PKHD1: variants seen among roughly 807,000 people sequenced by gnomAD.
PKHD1 encodes fibrocystin.
In PKHD1, 291 loss-of-function variants were observed where a neutral mutation model predicts 412.0. The ratio of observed to expected loss-of-function variants is 0.71; its 90% CI spans 0.64 to 0.78. The LOEUF is 0.78. PKHD1 is among the 30% of genes least tolerant of loss of function. The pLI is 0.00. For synonymous variants in PKHD1, 1,777 were observed against 1,821.5 expected, an observed-to-expected ratio of 0.98 and a Z score of 0.62; for missense variants, 4,825 against 4,950.7, an observed-to-expected ratio of 0.97 and a Z score of 0.76.
At chr6:51,820,107 G>C (rs944190500) in intron 52 of PKHD1, among the ~76,000 whole-genome samples, 6 of 152,166 alleles carry the variant, frequency 3.9e-5, no homozygotes, top group African/African-American at 1.4e-4. Context: ...CTTGGCTACA[G>C]CTTATCTCCA....
chr6:51,812,171 G>C (rs1275838549), intron 52 of PKHD1, among the ~76,000 whole-genome samples: 7 of 152,078 alleles, frequency 4.6e-5, no homozygotes, highest in Non-Finnish European at 7.3e-5. Context: ...CTCTAAGCTA[G>C]GGTTTTAATA....
chr6:51,987,952 T>C (rs766261125), intron 35 of PKHD1, among the ~76,000 whole-genome samples: 6 of 152,228 alleles, frequency 3.9e-5, no homozygotes, highest in Non-Finnish European at 7.3e-5. Context: ...TCTCTTATCT[T>C]AAAATGGAGA....
chr6:51,857,887 A>C (rs1205520426), intron 48 of PKHD1, among the ~76,000 whole-genome samples: 1 of 152,204 alleles, frequency 6.6e-6, no homozygotes, highest in Admixed American at 6.5e-5. Context: ...TGCTCAGGGC[A>C]TTTGGGAATG....
At chr6:51,682,970 G>A (rs1776898654) in intron 60 of PKHD1, among the ~76,000 whole-genome samples, 1 of 151,892 alleles carries the variant, frequency 6.6e-6, no homozygotes, top group Non-Finnish European at 1.5e-5. Context: ...GACATGGCAG[G>A]GGAAAATATA....
intron 60 of PKHD1, among the ~76,000 whole-genome samples, chr6:51,719,504 T>C (rs1381774882): frequency 6.6e-6 from 1 of 152,134 alleles, no homozygotes; most frequent in South Asian, 2.1e-4. Context: ...ACCCCTCCAG[T>C]TGGGACAAAC....
chr6:51,994,583 G>GT (rs1554184791), intron 35 of PKHD1, among the ~76,000 whole-genome samples: 1 of 151,964 alleles, frequency 6.6e-6, no homozygotes, highest in Admixed American at 6.6e-5. Flanking sequence ...GTTGTTGTTT[G>GT]TTTTTTTCCT....
rs537973238 is a variant in PKHD1, at chr6:51,925,438, C to CGT, written c.6121+8670_6121+8671dup. Reference sequence around the variant, plus strand: ...CTTTAGCTAAATGTAAATTGTTCTTCGTGTGTGTGTGTGTGTATGTGTGTG... The same window carrying CGT: ...CTTTAGCTAAATGTAAATTGTTCTTCGTGTGTGTGTGTGTGTGTATGTGTGTG... On this transcript the variant is annotated intron_variant, in intron 37 of 66. Transcript: ENST00000371117. 2.6e-3 allele frequency among the ~76,000 whole-genome samples: 386 copies of CGT among 147,472 alleles called. 2 individuals carry two copies. The highest frequency in any genetic ancestry group is 7.8e-3 in the African/African-American group (312 of 39,912).
At position 51,746,806 on chromosome 6, in the gene PKHD1, T is replaced by C. The variant is rs145745489; in HGVS notation, c.9913A>G (p.Ile3305Val). 1.6e-5 allele frequency: 26 copies of C among 1,610,098 alleles called. No homozygotes were observed. The African/African-American group carries it at 3.1e-4, about 19-fold the overall frequency. The change falls in exon 59 of 67, where the codon ATT becomes GTT. Residue 3305 changes from isoleucine (I) to valine (V), a missense_variant. Ile to Val is a conservative substitution (Grantham distance 29). Coordinates refer to ENST00000371117, the MANE Select transcript of PKHD1 (RefSeq NM_138694.4). Reference sequence around the variant, plus strand: ...CTCTCTGCTGTTATTGGGTGCATAATTCCACTGTTCTCTGCATTTGGTAGA... The same window carrying C: ...CTCTCTGCTGTTATTGGGTGCATAACTCCACTGTTCTCTGCATTTGGTAGA... ...CILPNAENSGIMHPITAERTR... is the reference protein window; with the variant it reads ...CILPNAENSGVMHPITAERTR...
At chr6:51,856,167 C>T (rs1773275337) in intron 48 of PKHD1, 97 bp from the exon 49 acceptor site, 1 of 811,730 alleles carries the variant, frequency 1.2e-6, no homozygotes, top group Admixed American at 1.8e-5. Context: ...ATCATCTTTC[C>T]ATTCTCTCCA....
chr6:51,956,035 C>T (rs999296733), intron 36 of PKHD1, among the ~76,000 whole-genome samples: 65 of 152,064 alleles, frequency 4.3e-4, no homozygotes, highest in African/African-American at 1.6e-3. Context: ...CAAGTACTTT[C>T]ACACATATTA....
intron 11 of PKHD1, among the ~76,000 whole-genome samples, chr6:52,067,592 G>A (rs1809938259): frequency 6.6e-6 from 1 of 152,162 alleles, no homozygotes; most frequent in Admixed American, 6.5e-5. Context: ...GGAGTAGGAT[G>A]GGAGTATTGA....
At chr6:52,034,223 G>A (rs767745141) in intron 28 of PKHD1, among the ~76,000 whole-genome samples, 21 of 150,358 alleles carry the variant, frequency 1.4e-4, no homozygotes, top group South Asian at 2.1e-4. Flanking sequence ...TATACTACCC[G>A]GTTCTGCCAG....
chr6:51,867,740 A>T (rs1456442741), intron 48 of PKHD1, 123 bp downstream of exon 48: 1 of 908,740 alleles, frequency 1.1e-6, no homozygotes, highest in Non-Finnish European at 1.7e-6. Context: ...TTCCCATTTC[A>T]CTTCTTTAGA....
rs1202967146 is a variant in PKHD1 at position 52,062,754 on chromosome 6, A to T, written c.977-94T>A. On this transcript the variant is annotated intron_variant, in intron 13 of 66. Coordinates refer to ENST00000371117, the MANE Select transcript of PKHD1 (RefSeq NM_138694.4). ...TAAATTACAAGGTGAAAGATGACCC[A>T]GATGCTACCTGTAAAGGTAAGTCAA... 5.4e-6 allele frequency: 8 copies of T among 1,478,960 alleles called. No individual in the cohort carries two copies. In the African/African-American group the frequency reaches 9.7e-5, roughly 18 times the overall value. The allele number at this position is 1,478,960 out of a possible 1,614,324, so 91.6% of individuals were successfully genotyped here.
At chr6:52,039,172 G>T (rs924260993) in intron 27 of PKHD1, among the ~76,000 whole-genome samples, 1 of 152,140 alleles carries the variant, frequency 6.6e-6, no homozygotes, top group African/African-American at 2.4e-5. Flanking sequence ...ATCACAATGA[G>T]GTATCATCTC....
intron 35 of PKHD1, among the ~76,000 whole-genome samples, chr6:51,970,137 A>T (rs988075578): frequency 3.9e-5 from 6 of 152,118 alleles, no homozygotes; most frequent in Non-Finnish European, 2.9e-5. Flanking sequence ...CATTCTGACT[A>T]ATATAACTCG....
At chr6:51,685,848 T>A (rs751392313) in intron 60 of PKHD1, among the ~76,000 whole-genome samples, 1 of 152,108 alleles carries the variant, frequency 6.6e-6, no homozygotes, top group Non-Finnish European at 1.5e-5. Context: ...TCTGCTGGTG[T>A]GAGGGGTGGA....
At chr6:51,825,163 C>T (rs201472781) in intron 52 of PKHD1, among the ~76,000 whole-genome samples, 3 of 152,258 alleles carry the variant, frequency 2.0e-5, no homozygotes, top group East Asian at 1.9e-4. Context: ...TACATACATG[C>T]ATATATGCTT....
intron 49 of PKHD1, among the ~76,000 whole-genome samples, chr6:51,855,633 T>G (rs1390512533): frequency 6.6e-6 from 1 of 152,212 alleles, no homozygotes; most frequent in Non-Finnish European, 1.5e-5. Context: ...AAATTTAAAT[T>G]TTCAGGCGTA....
Sources: allele counts gnomAD v4.1 joint callset (sites outside exome capture counted in the v4.1 genomes callset), GRCh38; gene constraint gnomAD v4.1.1; transcripts MANE v1.5; gene names NCBI Gene and HGNC (gene_info 2026-07-23, HGNC 2026-07-21).